The following CTNNA2 variants were observed in gnomAD, a reference collection of about 807,000 sequenced individuals.
CTNNA2 encodes catenin alpha 2.
CTNNA2 carries 42 observed loss-of-function variants against 101.0 expected under a neutral mutation model. The ratio of observed to expected loss-of-function variants is 0.42; its 90% CI spans 0.32 to 0.54. CTNNA2 has a LOEUF of 0.54. Ranked by LOEUF, CTNNA2 falls within the 20% of genes least tolerant of loss-of-function variation. CTNNA2 has a pLI of 0.14. For missense variants in CTNNA2, 871 were observed against 1,223.1 expected (o/e 0.71, Z 4.29); for synonymous variants, 450 against 456.4 (o/e 0.99, Z 0.18).
At chr2:79,309,648 C>T (rs569154008) in intron 2 of CTNNA2, among the ~76,000 whole-genome samples, 4 of 152,152 alleles carry the variant, frequency 2.6e-5, no homozygotes, top group African/African-American at 7.2e-5. Flanking sequence ...TGTTATCATA[C>T]AGATTGATGA....
chr2:79,856,356 A>G (rs1307533534), intron 3 of CTNNA2, among the ~76,000 whole-genome samples: 1 of 152,046 alleles, frequency 6.6e-6, no homozygotes, highest in Non-Finnish European at 1.5e-5. Context: ...GGTGTTTTTT[A>G]TTTTTTCTTA....
chr2:79,550,384 C>A (rs541103444), intron 1 of CTNNA2, among the ~76,000 whole-genome samples: 81 of 152,272 alleles, frequency 5.3e-4, no homozygotes, highest in African/African-American at 1.7e-3. Context: ...AAGACAATTT[C>A]CTGAGGGAGA....
chr2:80,587,978 A>G (rs191335521), intron 14 of CTNNA2, among the ~76,000 whole-genome samples: 1 of 152,366 alleles, frequency 6.6e-6, no homozygotes, highest in African/African-American at 2.4e-5. Context: ...CTATAAAGTC[A>G]TCATGAACAT....
chr2:80,646,477 GGA>G (rs1674105953), intron 18 of CTNNA2, among the ~76,000 whole-genome samples: 1 of 152,004 alleles, frequency 6.6e-6, no homozygotes. Context: ...CCTGGCTGAT[GGA>G]GAGTCTAGGA....
At chr2:79,699,906 CTA>C (rs1558851019) in intron 2 of CTNNA2, among the ~76,000 whole-genome samples, 1 of 144,262 alleles carries the variant, frequency 6.9e-6, no homozygotes. Context: ...ATTTATATAC[CTA>C]TGTGTGTATA....
intron 3 of CTNNA2, among the ~76,000 whole-genome samples, chr2:79,368,579 C>T (rs1476994148): frequency 6.6e-6 from 1 of 152,170 alleles, no homozygotes; most frequent in African/African-American, 2.4e-5. Context: ...GATGCTTCCC[C>T]CGAACCACCA....
intron 4 of CTNNA2, among the ~76,000 whole-genome samples, chr2:79,479,664 T>TTG (rs1417840897): frequency 2.0e-5 from 3 of 152,134 alleles, no homozygotes; most frequent in Admixed American, 2.0e-4. Flanking sequence ...GGCTCACACT[T>TTG]GTAATCCTAG....
At chr2:80,209,442 C>T (rs999114033) in intron 7 of CTNNA2, among the ~76,000 whole-genome samples, 7 of 152,042 alleles carry the variant, frequency 4.6e-5, no homozygotes, top group African/African-American at 9.7e-5. Flanking sequence ...CCGCCCGCCT[C>T]GGCCTCCCAA....
In CTNNA2 at chr2:79,549,631, A is replaced by G. The variant is rs1313433093; in HGVS notation, c.-6+36424A>G. Among the ~76,000 whole-genome samples, 3 of 152,304 alleles carry G rather than the reference A, an allele frequency of 2.0e-5. No homozygotes were observed. In the East Asian group the frequency reaches 5.8e-4, roughly 29 times the overall value. On this transcript the variant is annotated intron_variant, in intron 1 of 18. Coordinates refer to ENST00000402739, the MANE Select transcript of CTNNA2 (RefSeq NM_001282597.3). ...TGGCTAAATACATGAAGCTATATTA[A>G]TTTGTCATAATAAAAAAAATACCAC...
At chr2:80,607,927 T>C (rs1353953365) in intron 16 of CTNNA2, among the ~76,000 whole-genome samples, 1 of 151,860 alleles carries the variant, frequency 6.6e-6, no homozygotes, top group Non-Finnish European at 1.5e-5. Context: ...AAAATACTCA[T>C]AAACATGTAT....
intron 7 of CTNNA2, among the ~76,000 whole-genome samples, chr2:80,220,329 C>G (rs1039242451): frequency 2.0e-5 from 3 of 152,236 alleles, no homozygotes; most frequent in African/African-American, 4.8e-5. Context: ...CATGGGCTCA[C>G]AAATAATAGA....
intron 13 of CTNNA2, among the ~76,000 whole-genome samples, chr2:80,578,369 A>G (rs62150757): frequency 0.11 from 16,319 of 152,158 alleles, 1,929 homozygotes; most frequent in African/African-American, 0.29. Context: ...TATTTTATTT[A>G]TTCCTTTACC....
chr2:80,246,540 A>G (rs1286751889), intron 7 of CTNNA2, among the ~76,000 whole-genome samples: 1 of 152,224 alleles, frequency 6.6e-6, no homozygotes. Flanking sequence ...TACAAAGGCC[A>G]AGTATGGACC....
intron 7 of CTNNA2, among the ~76,000 whole-genome samples, chr2:80,281,963 A>T (rs1674417546): frequency 6.6e-6 from 1 of 151,620 alleles, no homozygotes; most frequent in Non-Finnish European, 1.5e-5. Flanking sequence ...TTTAATTTTC[A>T]CCTTGGAATA....
rs560721917 is a variant in CTNNA2 at position 79,565,985 on chromosome 2, G to T, written c.-6+52778G>T. Among the ~76,000 whole-genome samples, 4 of 152,106 alleles carry T rather than the reference G, an allele frequency of 2.6e-5. No individual in the cohort carries two copies. The South Asian group carries it at 8.3e-4, about 32-fold the overall frequency. On this transcript the variant is annotated intron_variant, in intron 1 of 18. Coordinates refer to ENST00000402739, the MANE Select transcript of CTNNA2 (RefSeq NM_001282597.3). ...ATAGAATAAGCAGATGAAACAGCCC[G>T]AAAAGACAAAATGAAGGAGTAGCCA...
chr2:80,570,988 C>A (rs913805041), intron 12 of CTNNA2, among the ~76,000 whole-genome samples: 2 of 152,070 alleles, frequency 1.3e-5, no homozygotes, highest in African/African-American at 4.8e-5. Context: ...CTCACCCTTG[C>A]GGGAAGTATC....
At chr2:79,930,211 G>A (rs1687292795) in intron 7 of CTNNA2, among the ~76,000 whole-genome samples, 1 of 148,836 alleles carries the variant, frequency 6.7e-6, no homozygotes, top group Non-Finnish European at 1.5e-5. Flanking sequence ...CCATTGCACT[G>A]TAGCCTGGGT....
chr2:80,531,869 G>A (rs1690573989), intron 9 of CTNNA2, among the ~76,000 whole-genome samples: 1 of 152,140 alleles, frequency 6.6e-6, no homozygotes, highest in Admixed American at 6.6e-5. Context: ...AAAATTAAAT[G>A]GTTAAATCTC....
intron 11 of CTNNA2, 133 bp downstream of exon 11, chr2:80,546,196 T>C (rs1227686400): frequency 3.7e-6 from 4 of 1,085,596 alleles, no homozygotes; most frequent in Non-Finnish European, 5.2e-6. Flanking sequence ...TTTGATCATC[T>C]CTGCAAATGT....
Sources: allele counts gnomAD v4.1 joint callset (sites outside exome capture counted in the v4.1 genomes callset), GRCh38; gene constraint gnomAD v4.1.1; transcripts MANE v1.5; gene names NCBI Gene and HGNC (gene_info 2026-07-23, HGNC 2026-07-21).